Variants in NTNG1 observed in about 807,000 individuals in gnomAD.
The protein encoded by NTNG1 is netrin-G1.
A neutral mutation model predicts 54.0 loss-of-function variants in NTNG1; 16 were observed. That is an observed-to-expected ratio of 0.30 (90% CI 0.20 to 0.45). The LOEUF (loss-of-function observed/expected upper bound fraction) is 0.45, where lower values mean the gene tolerates loss of function less well. Among genes scored for constraint, NTNG1 ranks in the 20% least tolerant of loss-of-function variants. NTNG1 has a pLI of 1.00. For synonymous variants in NTNG1, 255 were observed against 263.1 expected, an observed-to-expected ratio of 0.97 and a Z score of 0.30; for missense variants, 530 against 678.7, an observed-to-expected ratio of 0.78 and a Z score of 2.43.
At chr1:107,383,336 T>C (rs1671761556) in intron 3 of NTNG1, among the ~76,000 whole-genome samples, 1 of 152,216 alleles carries the variant, frequency 6.6e-6, no homozygotes, top group Admixed American at 6.5e-5. Context: ...TTGCTCTATT[T>C]TTCTTTTCTC....
chr1:107,460,918 G>A (rs372390308), intron 7 of NTNG1, among the ~76,000 whole-genome samples: 60 of 152,256 alleles, frequency 3.9e-4, no homozygotes, highest in Admixed American at 1.8e-3. Context: ...GAGCCCAGAA[G>A]GTCAGAAGAA....
intron 4 of NTNG1, among the ~76,000 whole-genome samples, chr1:107,407,284 G>T (rs1673489270): frequency 6.6e-6 from 1 of 152,110 alleles, no homozygotes; most frequent in Admixed American, 6.6e-5. Flanking sequence ...TCCATAGAGT[G>T]TATATTTGGT....
At chr1:107,182,892 T>C (rs1657179049) in intron 2 of NTNG1, among the ~76,000 whole-genome samples, 1 of 152,140 alleles carries the variant, frequency 6.6e-6, no homozygotes, top group Admixed American at 6.6e-5. Flanking sequence ...CTGTTGAAGG[T>C]TGCAACAAAC....
At chr1:107,342,153 T>C (rs1298469998) in intron 3 of NTNG1, among the ~76,000 whole-genome samples, 4 of 152,090 alleles carry the variant, frequency 2.6e-5, no homozygotes, top group Non-Finnish European at 5.9e-5. Context: ...CAAAGTAGAC[T>C]TATGAAAATA....
intron 2 of NTNG1, among the ~76,000 whole-genome samples, chr1:107,315,305 G>A (rs981507332): frequency 6.6e-6 from 1 of 152,090 alleles, no homozygotes; most frequent in Admixed American, 6.5e-5. Context: ...AGTGACTCTA[G>A]TAAACCTCCT....
chr1:107,317,825 T>G (rs1249361470), intron 2 of NTNG1, among the ~76,000 whole-genome samples: 4 of 152,174 alleles, frequency 2.6e-5, no homozygotes, highest in African/African-American at 9.7e-5. Context: ...TAAGCTGGTG[T>G]CTATGCCAGC....
At chr1:107,239,216 A>G (rs1351313516) in intron 2 of NTNG1, among the ~76,000 whole-genome samples, 2 of 152,214 alleles carry the variant, frequency 1.3e-5, no homozygotes, top group Non-Finnish European at 2.9e-5. Flanking sequence ...AGGCTGCCAG[A>G]ATGTAAACAA....
At chr1:107,258,911 A>G (rs576986580) in intron 2 of NTNG1, among the ~76,000 whole-genome samples, 1 of 152,272 alleles carries the variant, frequency 6.6e-6, no homozygotes, top group South Asian at 2.1e-4. Context: ...ATCCTTGGAG[A>G]AAGGAAAAAA....
At chr1:107,251,205 A>G (rs1662583300) in intron 2 of NTNG1, among the ~76,000 whole-genome samples, 1 of 152,198 alleles carries the variant, frequency 6.6e-6, no homozygotes, top group African/African-American at 2.4e-5. Context: ...AGGAAATCTT[A>G]CTAAAATCTT....
At chr1:107,249,900 A>C (rs1204367519) in intron 2 of NTNG1, among the ~76,000 whole-genome samples, 1 of 152,240 alleles carries the variant, frequency 6.6e-6, no homozygotes, top group East Asian at 1.9e-4. Flanking sequence ...CAACAGATGC[A>C]CTGGGCTTAC....
intron 3 of NTNG1, among the ~76,000 whole-genome samples, chr1:107,342,305 T>G (rs1208622011): frequency 1.3e-5 from 2 of 152,024 alleles, no homozygotes; most frequent in African/African-American, 4.8e-5. Flanking sequence ...ACTGAAGCAT[T>G]AATAGAATGA....
At chr1:107,216,105 G>A (rs1033463117) in intron 2 of NTNG1, among the ~76,000 whole-genome samples, 20 of 152,158 alleles carry the variant, frequency 1.3e-4, no homozygotes, top group Non-Finnish European at 2.6e-4. Flanking sequence ...GAGACAGTTT[G>A]ACTTCCTCTT....
intron 3 of NTNG1, among the ~76,000 whole-genome samples, chr1:107,346,610 T>C (rs1338689663): frequency 1.3e-5 from 2 of 152,032 alleles, no homozygotes; most frequent in East Asian, 3.9e-4. Context: ...AAGTGAAAAA[T>C]TTATATCCAA....
rs1675195508 is a variant in NTNG1 at position 107,430,552 on chromosome 1, C to T, written c.1088-198C>T. 7 of 722,660 alleles carry T rather than the reference C, an allele frequency of 9.7e-6. No individual in the cohort carries two copies. In the East Asian group the frequency reaches 1.8e-4, roughly 18 times the overall value. The allele number at this position is 722,660 out of a possible 1,614,324, so 44.8% of individuals were successfully genotyped here. On this transcript the variant is annotated intron_variant, in intron 5 of 7. Transcript: ENST00000370068. ...CTTCAGTCTTGTTCCGAATGTCCGA[C>T]CTTTCTATCCTGCTTGAAACAGATG...
intron 5 of NTNG1, among the ~76,000 whole-genome samples, chr1:107,423,939 T>C (rs1674723409): frequency 6.6e-6 from 1 of 152,142 alleles, no homozygotes; most frequent in Admixed American, 6.6e-5. Flanking sequence ...GGATCATCAT[T>C]CATTCATTCA....
chr1:107,472,176 C>T (rs1678022612), intron 7 of NTNG1, among the ~76,000 whole-genome samples: 1 of 152,126 alleles, frequency 6.6e-6, no homozygotes, highest in Non-Finnish European at 1.5e-5. Flanking sequence ...AGGGAAAAAA[C>T]TATCCCTGTT....
intron 3 of NTNG1, among the ~76,000 whole-genome samples, chr1:107,363,695 G>A (rs1431242551): frequency 6.6e-6 from 1 of 151,992 alleles, no homozygotes; most frequent in East Asian, 1.9e-4. Flanking sequence ...TCCTTCAGAC[G>A]TTAGCTCAAG....
intron 3 of NTNG1, among the ~76,000 whole-genome samples, chr1:107,360,400 A>T (rs1467013168): frequency 6.6e-6 from 1 of 152,176 alleles, no homozygotes; most frequent in Non-Finnish European, 1.5e-5. Flanking sequence ...CAAAAAGAGA[A>T]ACAGTGAGTG....
rs907224982 is a variant in NTNG1, at chr1:107,291,553, G to T, written c.247-32729G>T. Among the ~76,000 whole-genome samples the T allele has an allele frequency of 7.9e-5, 12 of 152,140 alleles. 1 individual carries two copies. Among genetic ancestry groups the T allele is most frequent in the African/African-American group, 2.9e-4 (12 of 41,504 alleles). On this transcript the variant is annotated intron_variant, in intron 2 of 7. Transcript: ENST00000370068. Reference sequence around the variant, plus strand: ...TGTGTGTTTTTCATAAATGTATAAGGTTAGCATTTCACATAAAAGGAAAAA... The same window carrying T: ...TGTGTGTTTTTCATAAATGTATAAGTTTAGCATTTCACATAAAAGGAAAAA...
Sources: gnomAD v4.1 joint callset for allele counts (sites outside exome capture counted in the v4.1 genomes callset) on GRCh38, gnomAD v4.1.1 for gene constraint, MANE v1.5 for transcripts, NCBI Gene and HGNC (gene_info 2026-07-23, HGNC 2026-07-21) for gene names.